Variants in PJVK observed in about 807,000 individuals in gnomAD.
PJVK encodes pejvakin, also known as autosomal recessive deafness type 59 protein.
In PJVK, 33 loss-of-function variants were observed where a neutral mutation model predicts 37.6. The observed-to-expected ratio is 0.88, with a 90% CI of 0.67 to 1.17. PJVK has a LOEUF of 1.17. Ranked by LOEUF, PJVK falls within the 50% of genes most tolerant of loss-of-function variation. The pLI is 0.00. For missense variants in PJVK, 410 were observed against 413.8 expected, an observed-to-expected ratio of 0.99 and a Z score of 0.08; for synonymous variants, 141 against 143.5, an observed-to-expected ratio of 0.98 and a Z score of 0.13.
intron 3 of PJVK, chr2:178,455,284 C>T: frequency 7.1e-7 from 1 of 1,409,164 alleles, no homozygotes; most frequent in Non-Finnish European, 1.0e-6. Flanking sequence ...GTGAGACTCA[C>T]ATCATGGTGG....
chr2:178,455,539 T>C, intron 3 of PJVK: 1 of 740,386 alleles, frequency 1.4e-6, no homozygotes, highest in Non-Finnish European at 2.4e-6. Context: ...GGCATGGGAC[T>C]GGCCCAGGCA....
chr2:178,453,336 A>G, intron 1 of PJVK, 52 bp from the exon 2 acceptor site: 1 of 1,465,432 alleles, frequency 6.8e-7, no homozygotes, highest in African/African-American at 1.4e-5. Flanking sequence ...AGCAATGCTT[A>G]ATTTTGTGCC....
At chr2:178,454,260 T>C in intron 2 of PJVK, 72 bp from the exon 3 acceptor site, 1 of 1,349,454 alleles carries the variant, frequency 7.4e-7, no homozygotes, top group Non-Finnish European at 1.0e-6. Flanking sequence ...CAATTGTTAA[T>C]TTAACATGTT....
Position 178,458,563 on chromosome 2 carries a change from C to T in PJVK, c.603C>T (p.Phe201=), listed in dbSNP as rs762131024. ...NPKGRDKAIV[F]PAHTTIAFSV... ...AGGGAAGGGACAAAGCTATTGTTTT[C>T]CCAGCACATACAACCATAGCTTTCA... The change falls in exon 5 of 7, where the codon TTC becomes TTT. Residue 201 remains phenylalanine (F), a synonymous_variant. Transcript: ENST00000644580. 1.9e-6 allele frequency: 3 copies of T among 1,614,086 alleles called. No individual in the cohort carries two copies. The highest frequency in any genetic ancestry group is 2.2e-5 in the East Asian group (1 of 44,858).
chr2:178,452,431 T>G (rs898767613), intron 1 of PJVK: 7 of 985,382 alleles, frequency 7.1e-6, no homozygotes, highest in Non-Finnish European at 8.4e-6. Flanking sequence ...TCTCTCTTCC[T>G]CTCCGTCTAT....
rs1049987070 is a variant in PJVK, at chr2:178,461,729, G to A, written c.*455G>A. Reference sequence around the variant, plus strand: ...CTCCCGAGTAGCTGGGATTACTGGCGCCTGCCACCACGCCTGGCTAATTTT... The same window carrying A: ...CTCCCGAGTAGCTGGGATTACTGGCACCTGCCACCACGCCTGGCTAATTTT... On this transcript the variant is annotated 3_prime_UTR_variant, in exon 7 of 7. Transcript: ENST00000644580. 6.6e-6 allele frequency among the ~76,000 whole-genome samples: 1 copy of A among 151,728 alleles called. No homozygotes were observed. Among genetic ancestry groups the A allele is most frequent in the African/African-American group, 2.4e-5 (1 of 41,258 alleles).
At chr2:178,460,082 C>T (rs1684385749) in intron 5 of PJVK, 1 of 410,850 alleles carries the variant, frequency 2.4e-6, no homozygotes, top group Non-Finnish European at 4.5e-6. Context: ...TGGAAGCAAA[C>T]ATAAGAAACT....
chr2:178,461,491 T>A lies in PJVK; in HGVS notation c.*217T>A, dbSNP rs553820876. On this transcript the variant is annotated 3_prime_UTR_variant, in exon 7 of 7. Transcript: ENST00000644580. ...ATGAAAATTAATAACATTGTTTATA[T>A]CAAAAAAGATTTACATATAAAATTC... 43 of 500,972 alleles carry A rather than the reference T, an allele frequency of 8.6e-5. No homozygotes were observed. Among genetic ancestry groups the A allele is most frequent in the African/African-American group, 7.0e-4 (36 of 51,262 alleles). 31.0% of individuals were successfully genotyped at this position (500,972 alleles called of 1,614,324 possible).
chr2:178,457,850 C>A (rs1432010329), intron 4 of PJVK, among the ~76,000 whole-genome samples: 1 of 151,954 alleles, frequency 6.6e-6, no homozygotes, highest in Non-Finnish European at 1.5e-5. Flanking sequence ...CAGAGAGAGA[C>A]CCTGTCTCTG....
chr2:178,457,444 T>C (rs1168527243), intron 4 of PJVK, among the ~76,000 whole-genome samples: 1 of 151,964 alleles, frequency 6.6e-6, no homozygotes, highest in African/African-American at 2.4e-5. Context: ...AATGAGACCT[T>C]GTCTCTACAA....
chr2:178,458,862 C>G (rs2154126226), intron 5 of PJVK, among the ~76,000 whole-genome samples: 2 of 152,280 alleles, frequency 1.3e-5, no homozygotes, highest in Middle Eastern at 3.4e-3. Context: ...TCCACTACCC[C>G]ATTTAAAATT....
In PJVK at chr2:178,460,440, G is replaced by A. The variant is rs781383159; in HGVS notation, c.760G>A (p.Glu254Lys). Residue 254 changes from glutamate (E) to lysine (K), a missense_variant, in exon 6 of 7, where the codon GAA becomes AAA. Transcript: ENST00000644580. The stretch of plus-strand genomic sequence containing the variant: ...GTACAGGTTGAGAAATATCCTATTT[G>A]AAAGAAGTATGTTTATTGAAGAGTA... ...LLYRLRNILF[E>K]RNRRVMDVIS... 5.6e-6 allele frequency: 9 copies of A among 1,613,394 alleles called. No individual in the cohort carries two copies. The highest frequency in any genetic ancestry group is 6.8e-6 in the Non-Finnish European group (8 of 1,179,440).
In PJVK at chr2:178,454,300, G is replaced by A. The variant is rs1218576096; in HGVS notation, c.212-32G>A. On this transcript the variant is annotated intron_variant, in intron 2 of 6. Transcript: ENST00000644580. ...TATATAATCTACATAAGATAAAGAT[G>A]TTTAAAAAATACTGAGTTTCTTCTT... 2.6e-6 allele frequency: 4 copies of A among 1,568,446 alleles called. No individual in the cohort carries two copies. The East Asian group carries it at 6.7e-5, about 26-fold the overall frequency.
chr2:178,461,584 C>CTTTTTTTTTTTTTTTTT lies in PJVK; in HGVS notation c.*312_*328dup, dbSNP rs536141412. 8.1e-6 allele frequency among the ~76,000 whole-genome samples: 1 copy of CTTTTTTTTTTTTTTTTT among 122,800 alleles called. No individual in the cohort carries two copies. The highest frequency in any genetic ancestry group is 3.2e-5 in the African/African-American group (1 of 30,958). 80.6% of individuals were successfully genotyped at this position (122,800 alleles called of 152,430 possible). A position where few individuals can be genotyped will look rare whatever the true frequency, so the allele number is the denominator to read the frequency against. On this transcript the variant is annotated 3_prime_UTR_variant, in exon 7 of 7. Coordinates refer to ENST00000644580, the MANE Select transcript of PJVK (RefSeq NM_001042702.5). Reference sequence around the variant, plus strand: ...GATGTAGTCTATCATTTTAGTTCACCTTTTTTTTTTTTTTTTTTGAGACAG... The same window carrying CTTTTTTTTTTTTTTTTT: ...GATGTAGTCTATCATTTTAGTTCACCTTTTTTTTTTTTTTTTTTTTTTTTTTTTTTTTTTTGAGACAG...
rs557835474 is a variant in PJVK at position 178,460,411 on chromosome 2, T to G, written c.731T>G (p.Leu244Arg). The G allele has an allele frequency of 1.9e-6, 3 of 1,614,150 alleles. No individual in the cohort carries two copies. The highest frequency in any genetic ancestry group is 2.5e-6 in the Non-Finnish European group (3 of 1,179,992). ...AGGGAAGAAACGGCAACATTTGCAC[T>G]GCTGTACAGGTTGAGAAATATCCTA... ...FEREETATFA[L>R]LYRLRNILFE... The change falls in exon 6 of 7, where the codon CTG (leucine) becomes CGG (arginine). Residue 244 changes from leucine (L) to arginine (R), a missense_variant. By Grantham distance (102) the Leu-to-Arg change is moderately radical. Transcript: ENST00000644580.
intron 5 of PJVK, 98 bp from the exon 6 acceptor site, chr2:178,460,250 C>A: frequency 2.9e-6 from 3 of 1,038,046 alleles, no homozygotes; most frequent in Non-Finnish European, 4.4e-6. Flanking sequence ...CTTTTAAAAA[C>A]AATACAATGA....
chr2:178,457,637 C>T (rs2154126167), intron 4 of PJVK, among the ~76,000 whole-genome samples: 1 of 152,230 alleles, frequency 6.6e-6, no homozygotes, highest in South Asian at 2.1e-4. Context: ...ACCCATTTGC[C>T]TTCGGACTTC....
rs760036509 is a variant in PJVK at position 178,456,150 on chromosome 2, G to A, written c.548G>A (p.Arg183Gln). 45 of 1,613,718 alleles carry A rather than the reference G, an allele frequency of 2.8e-5. No individual in the cohort carries two copies. In the East Asian group the frequency reaches 3.1e-4, roughly 11 times the overall value. The change falls in exon 4 of 7, where the codon CGG (arginine) becomes CAG (glutamine). Residue 183 changes from arginine (R) to glutamine (Q), a missense_variant and splice_region_variant. Physicochemically the swap from Arg to Gln is conservative, Grantham distance 43. Transcript: ENST00000644580. ...GCTGGAATTCGAGGGGAAGCAATGC[G>A]GGTAAACCACACTTGTTGGGTTCTC... ...VHAGIRGEAMRFHFMDEQNPK... is the reference protein window; with the variant it reads ...VHAGIRGEAMQFHFMDEQNPK...
Position 178,457,032 on chromosome 2 carries a change from G to C in PJVK, c.549+881G>C, listed in dbSNP as rs191063132. On this transcript the variant is annotated intron_variant, in intron 4 of 6. Transcript: ENST00000644580. The stretch of plus-strand genomic sequence containing the variant: ...CCCCGAGGCTGGAGTGCAGTGGCGC[G>C]ATCTTGGCTCACTGCAAACTCCGCC... 7.0e-3 allele frequency among the ~76,000 whole-genome samples: 1,069 copies of C among 152,092 alleles called. 15 individuals carry two copies. The highest frequency in any genetic ancestry group is 0.025 in the African/African-American group (1,017 of 41,488).
Sources: gnomAD v4.1 joint callset for allele counts (sites outside exome capture counted in the v4.1 genomes callset) on GRCh38, gnomAD v4.1.1 for gene constraint, MANE v1.5 for transcripts, NCBI Gene and HGNC (gene_info 2026-07-23, HGNC 2026-07-21) for gene names.